Variants in ZNF780B observed in about 807,000 individuals in gnomAD.
The protein encoded by ZNF780B is zinc finger protein 779.
Under a neutral mutation model 74.1 loss-of-function variants are expected in ZNF780B, and 52 were observed. The observed-to-expected ratio is 0.70, with a 90% CI of 0.56 to 0.88. The LOEUF (loss-of-function observed/expected upper bound fraction) is 0.88. Among genes scored for constraint, ZNF780B ranks in the 40% least tolerant of loss-of-function variants. The probability of loss-of-function intolerance (pLI) is 0.00; values close to 1 mark genes in which losing one functional copy is unlikely to be tolerated. For synonymous variants in ZNF780B, 315 were observed against 324.3 expected (o/e 0.97, Z 0.31); for missense variants, 953 against 1,007.6 (o/e 0.95, Z 0.73).
At position 40,032,717 on chromosome 19, in the gene ZNF780B, CAAAA is replaced by C; in HGVS notation, c.*1636_*1639del. 2 of 58,770 alleles carry C rather than the reference CAAAA, an allele frequency of 3.4e-5. No individual in the cohort carries two copies. Among genetic ancestry groups the C allele is most frequent in the Middle Eastern group, 0.01 (1 of 96 alleles). 3.6% of individuals were successfully genotyped at this position (58,770 alleles called of 1,614,324 possible). A position where few individuals can be genotyped will look rare whatever the true frequency, so the allele number is the denominator to read the frequency against. ...TGGGCGACAGAGCGAGACTCCATCT[CAAAA>C]AAAAAAAAAAAAAAAGAGAAAATGA... On this transcript the variant is annotated 3_prime_UTR_variant, in exon 5 of 5. Transcript: ENST00000434248.
At chr19:40,047,018 T>C (rs973339036) in intron 4 of ZNF780B, among the ~76,000 whole-genome samples, 10 of 152,208 alleles carry the variant, frequency 6.6e-5, no homozygotes, top group African/African-American at 2.2e-4. Context: ...GCAGGAAGAC[T>C]ACTTGAGGCC....
intron 4 of ZNF780B, among the ~76,000 whole-genome samples, chr19:40,037,556 G>A (rs1368200148): frequency 1.3e-5 from 2 of 152,132 alleles, no homozygotes; most frequent in Admixed American, 6.5e-5. Flanking sequence ...GATCACCAGT[G>A]GGAGCCATCA....
At chr19:40,055,689 C>G (rs1973463511) in intron 1 of ZNF780B, 1 of 152,226 alleles carries the variant, frequency 6.6e-6, no homozygotes, top group Non-Finnish European at 1.5e-5. Context: ...TAGCTGCCCT[C>G]CTGGGGGACC....
rs185467517 is a variant in ZNF780B, at chr19:40,043,477, T to C, written c.232+3898A>G. 1.6e-3 allele frequency among the ~76,000 whole-genome samples: 247 copies of C among 152,310 alleles called. 1 individual carries two copies. Among genetic ancestry groups the C allele is most frequent in the African/African-American group, 5.8e-3 (241 of 41,568 alleles). On this transcript the variant is annotated intron_variant, in intron 4 of 4. Transcript: ENST00000434248. ...ACAGGGACATTTAAGTCTGCAGAGGTTACTGCTGTCTTTTTGCCCTGCCCC... is the reference window on the plus strand; with the variant it reads ...ACAGGGACATTTAAGTCTGCAGAGGCTACTGCTGTCTTTTTGCCCTGCCCC...
Position 40,035,835 on chromosome 19 carries a change from A to G in ZNF780B, c.1024T>C (p.Phe342Leu), listed in dbSNP as rs548221715. The change falls in exon 5 of 5, where the codon TTT becomes CTT. Residue 342 changes from phenylalanine to leucine, a missense_variant. Transcript: ENST00000434248. ...CGAACAAGCTTTGTCAGAAGAGTAA[A>G]GGCCTTTCTGCATTCTTTACATTCA... ...PFECKECRKA[F>L]TLLTKLVRHQ... 1 of 1,614,072 alleles carries G rather than the reference A, an allele frequency of 6.2e-7. No individual in the cohort carries two copies. The highest frequency in any genetic ancestry group is 1.1e-5 in the South Asian group (1 of 91,084).
intron 4 of ZNF780B, 59 bp downstream of exon 4, chr19:40,047,316 A>C (rs1972975688): frequency 2.1e-6 from 3 of 1,441,546 alleles, no homozygotes; most frequent in Non-Finnish European, 2.9e-6. Context: ...CTCCTCTCTG[A>C]GCACATGGGC....
rs2144804077 is a variant in ZNF780B at position 40,047,364 on chromosome 19, C to T, written c.232+11G>A. ...TGATGGCTTCCCCCTGCCTGCTTTA[C>T]TCTCACTTACCTGGATACCATCTGC... On this transcript the variant is annotated intron_variant, in intron 4 of 4. Coordinates refer to ENST00000434248, the MANE Select transcript of ZNF780B (RefSeq NM_001005851.3). 2 of 1,607,428 alleles carry T rather than the reference C, an allele frequency of 1.2e-6. No individual in the cohort carries two copies. The highest frequency in any genetic ancestry group is 1.1e-5 in the South Asian group (1 of 90,926).
chr19:40,036,851 A>G (rs1972352877), intron 4 of ZNF780B, among the ~76,000 whole-genome samples: 1 of 152,148 alleles, frequency 6.6e-6, no homozygotes, highest in South Asian at 2.1e-4. Context: ...TGGTAAGATT[A>G]AATATATTGA....
chr19:40,043,753 GA>G (rs1478306078), intron 4 of ZNF780B, among the ~76,000 whole-genome samples: 1 of 152,222 alleles, frequency 6.6e-6, no homozygotes, highest in Non-Finnish European at 1.5e-5. Flanking sequence ...AAGCCCATTG[GA>G]AAAGCACAAT....
At chr19:40,045,616 C>T (rs1225040385) in intron 4 of ZNF780B, among the ~76,000 whole-genome samples, 1 of 152,158 alleles carries the variant, frequency 6.6e-6, no homozygotes, top group African/African-American at 2.4e-5. Context: ...GTGATATATA[C>T]ACATGGAATA....
At chr19:40,041,684 C>T (rs1301431775) in intron 4 of ZNF780B, among the ~76,000 whole-genome samples, 1 of 152,082 alleles carries the variant, frequency 6.6e-6, no homozygotes, top group Non-Finnish European at 1.5e-5. Flanking sequence ...CTCTTTTGAT[C>T]TTTGTTGGTT....
At chr19:40,039,221 T>C (rs1216609212) in intron 4 of ZNF780B, among the ~76,000 whole-genome samples, 1 of 152,228 alleles carries the variant, frequency 6.6e-6, no homozygotes, top group Non-Finnish European at 1.5e-5. Flanking sequence ...CAGATAGTTG[T>C]AGATAGGCAG....
chr19:40,045,042 T>C (rs1972866675), intron 4 of ZNF780B, among the ~76,000 whole-genome samples: 1 of 151,976 alleles, frequency 6.6e-6, no homozygotes, highest in African/African-American at 2.4e-5. Flanking sequence ...TGAGTAGAAA[T>C]AGCTACGTTT....
chr19:40,039,921 G>A (rs1216491432), intron 4 of ZNF780B, among the ~76,000 whole-genome samples: 1 of 151,448 alleles, frequency 6.6e-6, no homozygotes, highest in Admixed American at 6.6e-5. Context: ...CTGCCTAATT[G>A]CCCTGGCCAG....
In ZNF780B at chr19:40,031,920, T is replaced by C. The variant is rs1972020154; in HGVS notation, c.*2437A>G. ...GGTTACCAGCTTACCCAAATGATCA[T>C]CCTTAGTTTCACTAATGCAAGGACC... On this transcript the variant is annotated 3_prime_UTR_variant, in exon 5 of 5. Transcript: ENST00000434248. 2 of 355,846 alleles carry C rather than the reference T, an allele frequency of 5.6e-6. No individual in the cohort carries two copies. The highest frequency in any genetic ancestry group is 1.1e-5 in the Non-Finnish European group (2 of 180,814). 22.0% of individuals were successfully genotyped at this position (355,846 alleles called of 1,614,324 possible).
At chr19:40,053,520 A>T (rs1467133748) in intron 1 of ZNF780B, among the ~76,000 whole-genome samples, 1 of 152,182 alleles carries the variant, frequency 6.6e-6, no homozygotes, top group African/African-American at 2.4e-5. Flanking sequence ...AAAAAATTAG[A>T]AATAGAACCA....
At chr19:40,038,306 G>A (rs2144737533) in intron 4 of ZNF780B, among the ~76,000 whole-genome samples, 1 of 152,010 alleles carries the variant, frequency 6.6e-6, no homozygotes, top group Non-Finnish European at 1.5e-5. Context: ...TCTTAATCCA[G>A]TCTATCATTG....
At chr19:40,041,659 A>C (rs1431007872) in intron 4 of ZNF780B, among the ~76,000 whole-genome samples, 2 of 152,136 alleles carry the variant, frequency 1.3e-5, no homozygotes, top group African/African-American at 4.8e-5. Flanking sequence ...ACCATTATGT[A>C]ATGGCCTTCT....
chr19:40,045,988 C>CA (rs924355608), intron 4 of ZNF780B, among the ~76,000 whole-genome samples: 4 of 149,942 alleles, frequency 2.7e-5, no homozygotes, highest in Non-Finnish European at 4.4e-5. Context: ...GACTCCAACT[C>CA]AAAAAAAAGA....
Sources: gnomAD v4.1 joint callset for allele counts (sites outside exome capture counted in the v4.1 genomes callset) on GRCh38, gnomAD v4.1.1 for gene constraint, MANE v1.5 for transcripts, NCBI Gene and HGNC (gene_info 2026-07-23, HGNC 2026-07-21) for gene names.